Variants in A4GALT observed in about 807,000 individuals in gnomAD.
A4GALT encodes the protein alpha 1,4-galactosyltransferase (P1PK blood group).
For missense variants in A4GALT, 512 were observed against 486.0 expected (o/e 1.05, Z -0.50); for synonymous variants, 257 against 220.7 (o/e 1.16, Z -1.46).
intron 1 of A4GALT, among the ~76,000 whole-genome samples, chr22:42,697,019 C>T (rs569669165): frequency 1.3e-4 from 20 of 151,724 alleles, no homozygotes; most frequent in Admixed American, 7.9e-4. Flanking sequence ...TTCTAACACA[C>T]GGTACATCCT....
intron 1 of A4GALT, among the ~76,000 whole-genome samples, chr22:42,719,739 G>T (rs1431587561): frequency 6.6e-6 from 1 of 152,158 alleles, no homozygotes; most frequent in African/African-American, 2.4e-5. Context: ...CAAAGGGGAA[G>T]TCTTTGGGCA....
intron 1 of A4GALT, among the ~76,000 whole-genome samples, chr22:42,706,286 C>T (rs949637681): frequency 6.1e-5 from 8 of 132,018 alleles, no homozygotes; most frequent in African/African-American, 2.1e-4. Context: ...ACCCGGGAGG[C>T]AGAGCTTGTA....
At chr22:42,709,118 G>A (rs903727768) in intron 1 of A4GALT, among the ~76,000 whole-genome samples, 1 of 148,648 alleles carries the variant, frequency 6.7e-6, no homozygotes, top group Non-Finnish European at 1.5e-5. Context: ...GCAGTGGCAC[G>A]ATCATGGCTC....
intron 1 of A4GALT, among the ~76,000 whole-genome samples, chr22:42,715,597 C>T (rs1922101185): frequency 6.6e-6 from 1 of 151,972 alleles, no homozygotes; most frequent in African/African-American, 2.4e-5. Context: ...GCCTGTGGTC[C>T]CAGCTACTCA....
chr22:42,714,179 G>A (rs1231917706), intron 1 of A4GALT, among the ~76,000 whole-genome samples: 1 of 150,314 alleles, frequency 6.7e-6, no homozygotes, highest in South Asian at 2.1e-4. Flanking sequence ...GGAAACTGAG[G>A]TGGGAGGACT....
chr22:42,718,071 CATT>C (rs1375905525), intron 1 of A4GALT, among the ~76,000 whole-genome samples: 2 of 152,142 alleles, frequency 1.3e-5, no homozygotes, highest in Non-Finnish European at 2.9e-5. Flanking sequence ...TTCAATGTAA[CATT>C]ATCAAAAAGA....
intron 1 of A4GALT, among the ~76,000 whole-genome samples, chr22:42,709,930 T>C (rs1226564726): frequency 2.0e-5 from 3 of 152,184 alleles, no homozygotes; most frequent in Non-Finnish European, 4.4e-5. Context: ...AGAAAAATCA[T>C]CATCCCCAGT....
At chr22:42,716,272 C>T (rs573909119) in intron 1 of A4GALT, among the ~76,000 whole-genome samples, 5 of 152,316 alleles carry the variant, frequency 3.3e-5, no homozygotes, top group African/African-American at 1.2e-4. Context: ...CCATCCTCTC[C>T]ACCACTGGGG....
intron 1 of A4GALT, among the ~76,000 whole-genome samples, chr22:42,701,564 C>T (rs1478250142): frequency 6.6e-6 from 1 of 152,166 alleles, no homozygotes; most frequent in Non-Finnish European, 1.5e-5. Context: ...GCAGTGGAGG[C>T]AGAGGGGTCA....
chr22:42,715,807 CA>C (rs1434030105), intron 1 of A4GALT, among the ~76,000 whole-genome samples: 1 of 150,964 alleles, frequency 6.6e-6, no homozygotes, highest in African/African-American at 2.4e-5. Context: ...TGTGAGCCAC[CA>C]CACCTGGCCG....
chr22:42,704,537 A>C (rs917175003), intron 1 of A4GALT, among the ~76,000 whole-genome samples: 1 of 151,854 alleles, frequency 6.6e-6, no homozygotes, highest in Non-Finnish European at 1.5e-5. Flanking sequence ...GAAGGGCTGA[A>C]GGGCTGTTTG....
chr22:42,711,040 A>G (rs73174950), intron 1 of A4GALT, among the ~76,000 whole-genome samples: 17,818 of 150,728 alleles, frequency 0.12, 1,197 homozygotes, highest in African/African-American at 0.19. Flanking sequence ...AAAAAAAAGA[A>G]GTGACAACCT....
intron 1 of A4GALT, among the ~76,000 whole-genome samples, chr22:42,709,154 C>G (rs1253131205): frequency 6.6e-6 from 1 of 150,498 alleles, no homozygotes; most frequent in Non-Finnish European, 1.5e-5. Flanking sequence ...TTTCCAGGCT[C>G]AAGTACATGA....
At position 42,693,305 on chromosome 22, in the gene A4GALT, A is replaced by T. The variant is rs147133867; in HGVS notation, c.647T>A (p.Leu216His). 2 of 1,613,110 alleles carry T rather than the reference A, an allele frequency of 1.2e-6. No homozygotes were observed. The highest frequency in any genetic ancestry group is 1.7e-6 in the Non-Finnish European group (2 of 1,179,978). The change falls in exon 3 of 3, where the codon CTC becomes CAC. Residue 216 changes from leucine (L) to histidine (H), a missense_variant. Transcript: ENST00000642412. ...CTCGAAGGCCAGGAACGCGCCGTTG[A>T]GGACGTAGCGGGACTGGGTGCCCAG... ...NVLGTQSRYV[L>H]NGAFLAFERR...
chr22:42,713,195 C>G (rs1021667482), intron 1 of A4GALT, among the ~76,000 whole-genome samples: 1 of 152,214 alleles, frequency 6.6e-6, no homozygotes, highest in East Asian at 1.9e-4. Flanking sequence ...CCATCAGAAG[C>G]CAACATCACT....
At chr22:42,712,951 C>T (rs1921825992) in intron 1 of A4GALT, among the ~76,000 whole-genome samples, 4 of 152,088 alleles carry the variant, frequency 2.6e-5, no homozygotes, top group Non-Finnish European at 5.9e-5. Flanking sequence ...CTCATTCTCC[C>T]CCCGCTCCCC....
At chr22:42,720,104 CG>C (rs1922570939) in intron 1 of A4GALT, among the ~76,000 whole-genome samples, 1 of 152,190 alleles carries the variant, frequency 6.6e-6, no homozygotes, top group Non-Finnish European at 1.5e-5. Context: ...GTTCCGCTCC[CG>C]CTCAGTCCTC....
At chr22:42,704,635 A>C (rs1920962006) in intron 1 of A4GALT, among the ~76,000 whole-genome samples, 1 of 152,060 alleles carries the variant, frequency 6.6e-6, no homozygotes, top group South Asian at 2.1e-4. Context: ...CCAGGAATCA[A>C]GCAGGCGGTC....
Position 42,711,929 on chromosome 22 carries a change from C to A in A4GALT, c.-188+8868G>T, listed in dbSNP as rs112545361. Among the ~76,000 whole-genome samples the A allele has an allele frequency of 7.2e-3, 1,099 of 152,212 alleles. 8 individuals carry two copies. The highest frequency in any genetic ancestry group is 0.022 in the African/African-American group (896 of 41,524). On this transcript the variant is annotated intron_variant, in intron 1 of 2. Coordinates refer to ENST00000642412, the MANE Select transcript of A4GALT (RefSeq NM_017436.7). ...TGAGCCACCGTGACTGGTCTCAGTA[C>A]GTATTTTTTTGAAAGGATGAGTAAA...
Sources: allele counts gnomAD v4.1 joint callset (sites outside exome capture counted in the v4.1 genomes callset), GRCh38; gene constraint gnomAD v4.1.1; transcripts MANE v1.5; gene names NCBI Gene and HGNC (gene_info 2026-07-23, HGNC 2026-07-21).